Variants in EPB41L3 observed in about 807,000 individuals in gnomAD.
EPB41L3 encodes the protein erythrocyte membrane protein band 4.1 like 3, also known as band 4.1-like protein 3.
Under a neutral mutation model 127.1 loss-of-function variants are expected in EPB41L3, and 57 were observed. The ratio of observed to expected loss-of-function variants is 0.45; its 90% confidence interval spans 0.36 to 0.56. The LOEUF is 0.56. EPB41L3 is among the 20% of genes least tolerant of loss of function. EPB41L3 has a pLI of 0.00. For synonymous variants in EPB41L3, 572 were observed against 549.5 expected, an observed-to-expected ratio of 1.04 and a Z score of -0.57; for missense variants, 1,273 against 1,372.2, an observed-to-expected ratio of 0.93 and a Z score of 1.14.
chr18:5,487,977 G>A (rs1248326470), intron 2 of EPB41L3, among the ~76,000 whole-genome samples: 1 of 151,988 alleles, frequency 6.6e-6, no homozygotes, highest in Non-Finnish European at 1.5e-5. Flanking sequence ...ATCACTTGTG[G>A]GGACTCCAGA....
chr18:5,597,883 C>T (rs1214196288), intron 3 of EPB41L3, among the ~76,000 whole-genome samples: 1 of 152,168 alleles, frequency 6.6e-6, no homozygotes, highest in Non-Finnish European at 1.5e-5. Context: ...GTAGCACCAG[C>T]CATGGAAACC....
At chr18:5,465,442 G>A (rs150763221) in intron 3 of EPB41L3, among the ~76,000 whole-genome samples, 57 of 152,192 alleles carry the variant, frequency 3.7e-4, no homozygotes, top group African/African-American at 1.2e-3. Flanking sequence ...ATTATTAGGC[G>A]ATAAAAGTAA....
intron 1 of EPB41L3, among the ~76,000 whole-genome samples, chr18:5,542,928 A>G (rs1411786365): frequency 1.3e-5 from 2 of 152,216 alleles, no homozygotes; most frequent in Non-Finnish European, 2.9e-5. Context: ...GGCAGCAGCC[A>G]GGAAACACTC....
intron 3 of EPB41L3, among the ~76,000 whole-genome samples, chr18:5,446,829 C>T (rs930460176): frequency 1.3e-5 from 2 of 152,202 alleles, no homozygotes; most frequent in Non-Finnish European, 2.9e-5. Context: ...AATAACATTG[C>T]TCATCGGCTA....
Position 5,420,710 on chromosome 18 carries a change from A to C in EPB41L3, c.1340-833T>G, listed in dbSNP as rs981394890. On this transcript the variant is annotated intron_variant, in intron 11 of 22. Coordinates refer to ENST00000341928, the MANE Select transcript of EPB41L3 (RefSeq NM_012307.5). ...GTCTTAGTGAAAAGATGCTTAATTA[A>C]GTTTTAAAAGTTGGTACTCATTATT... Among the ~76,000 whole-genome samples, 9 of 152,348 alleles carry C rather than the reference A, an allele frequency of 5.9e-5. No individual in the cohort carries two copies. In the South Asian group the frequency reaches 1.4e-3, roughly 25 times the overall value.
intron 16 of EPB41L3, chr18:5,401,059 G>C: frequency 1.3e-6 from 2 of 1,512,592 alleles, no homozygotes; most frequent in Non-Finnish European, 1.8e-6. Context: ...TGAATAAAGG[G>C]GGTTGGGTTG....
chr18:5,601,736 C>T lies in EPB41L3; in HGVS notation c.-306+10604G>A, dbSNP rs1045513508. Among the ~76,000 whole-genome samples the T allele has an allele frequency of 3.9e-5, 6 of 152,134 alleles. No individual in the cohort carries two copies. The South Asian group carries it at 8.3e-4, about 21-fold the overall frequency. ...AGTTCCATTCTTAAGTAGGTATTTA[C>T]ATCTGTTACACTAAAATGATTATGA... On this transcript the variant is annotated intron_variant, in intron 3 of 21. Coordinates refer to the EPB41L3 transcript ENST00000545076.
In EPB41L3 at chr18:5,585,873, T is replaced by C. The variant is rs142061507; in HGVS notation, c.-306+26467A>G. 1.0e-3 allele frequency among the ~76,000 whole-genome samples: 154 copies of C among 152,286 alleles called. 1 individual carries two copies. The East Asian group carries it at 0.018, about 18-fold the overall frequency. On this transcript the variant is annotated intron_variant, in intron 3 of 21. Transcript: ENST00000545076. ...CCTCCCTGCTTGGGTGTCATGTTTCTGCCAGTGGCTTCATCCCTCTGCCAG... is the reference window on the plus strand; with the variant it reads ...CCTCCCTGCTTGGGTGTCATGTTTCCGCCAGTGGCTTCATCCCTCTGCCAG...
chr18:5,577,281 G>T, intron 3 of EPB41L3: 1 of 432,404 alleles, frequency 2.3e-6, no homozygotes, highest in South Asian at 1.7e-5. Flanking sequence ...CACTAACAAT[G>T]GCCACTTCTC....
At chr18:5,622,584 T>G (rs2094875714) in intron 1 of EPB41L3, among the ~76,000 whole-genome samples, 1 of 152,202 alleles carries the variant, frequency 6.6e-6, no homozygotes, top group Admixed American at 6.6e-5. Flanking sequence ...GGCTACATGT[T>G]TTTTTTAACA....
chr18:5,500,743 T>G (rs756081031), intron 1 of EPB41L3, among the ~76,000 whole-genome samples: 43 of 152,038 alleles, frequency 2.8e-4, no homozygotes, highest in Non-Finnish European at 6.2e-4. Flanking sequence ...CCTAAACAAA[T>G]AATGAATGAA....
At chr18:5,628,261 CCA>C (rs1015962842) in intron 1 of EPB41L3, among the ~76,000 whole-genome samples, 3 of 152,238 alleles carry the variant, frequency 2.0e-5, no homozygotes. Context: ...TAGATTTAAA[CCA>C]CAGTTAGATT....
Position 5,428,445 on chromosome 18 carries a change from A to G in EPB41L3, c.933T>C (p.Ile311=). ...GACCACTTGCACAAACTCCTAACATAATTTCTACCCCTTCTGAGTCCTGGA... is the reference window on the plus strand; with the variant it reads ...GACCACTTGCACAAACTCCTAACATGATTTCTACCCCTTCTGAGTCCTGGA... ...HHAKDSEGVE[I]MLGVCASGLL... is the part of the protein sequence containing the mutation. The change falls in exon 9 of 23, where the codon ATT becomes ATC. Residue 311 remains isoleucine, a synonymous_variant. Coordinates refer to ENST00000341928, the MANE Select transcript of EPB41L3 (RefSeq NM_012307.5). The G allele has an allele frequency of 6.2e-7, 1 of 1,614,198 alleles. No homozygotes were observed. Among genetic ancestry groups the G allele is most frequent in the Non-Finnish European group, 8.5e-7 (1 of 1,180,022 alleles).
At chr18:5,601,934 G>A (rs1215585406) in intron 3 of EPB41L3, among the ~76,000 whole-genome samples, 7 of 152,130 alleles carry the variant, frequency 4.6e-5, no homozygotes, top group Non-Finnish European at 1.0e-4. Flanking sequence ...GATTTTCTTT[G>A]ATGACGGAGG....
rs2094672024 is a variant in EPB41L3, at chr18:5,607,433, G to C, written c.-306+4907C>G. Among the ~76,000 whole-genome samples the C allele has an allele frequency of 1.3e-5, 2 of 152,164 alleles. 1 individual carries two copies. The highest frequency in any genetic ancestry group is 4.1e-4 in the South Asian group (2 of 4,834). On this transcript the variant is annotated intron_variant, in intron 3 of 21. Transcript: ENST00000545076. ...TCCTTGAAAGAGGCAAGCAAGACGA[G>C]CTGACCAAGATAATTCTCTGCTTTT...
intron 3 of EPB41L3, among the ~76,000 whole-genome samples, chr18:5,586,751 A>C (rs1344755284): frequency 6.6e-6 from 1 of 152,108 alleles, no homozygotes; most frequent in African/African-American, 2.4e-5. Context: ...ATAGGAGTTC[A>C]TGTATTGTAA....
intron 1 of EPB41L3, chr18:5,529,073 A>C (rs1029469840): frequency 2.0e-5 from 3 of 152,352 alleles, no homozygotes; most frequent in African/African-American, 7.2e-5. Flanking sequence ...GGAATTAAAC[A>C]GCTGTCATCA....
chr18:5,609,504 C>T (rs1456415564), intron 3 of EPB41L3, among the ~76,000 whole-genome samples: 1 of 152,168 alleles, frequency 6.6e-6, no homozygotes, highest in Non-Finnish European at 1.5e-5. Context: ...GGGTCCAGTA[C>T]ATCATTATTG....
At chr18:5,398,320 C>A in intron 16 of EPB41L3, 177 bp from the exon 17 acceptor site, 1 of 726,420 alleles carries the variant, frequency 1.4e-6, no homozygotes, top group East Asian at 2.6e-5. Context: ...AAACCAGGTG[C>A]TCTTGTTTGG....
Sources: gnomAD v4.1 joint callset for allele counts (sites outside exome capture counted in the v4.1 genomes callset) on GRCh38, gnomAD v4.1.1 for gene constraint, MANE v1.5 for transcripts, NCBI Gene and HGNC (gene_info 2026-07-23, HGNC 2026-07-21) for gene names.